The following C1QTNF3 variants were observed in gnomAD, a reference collection of about 807,000 sequenced individuals.
C1QTNF3 encodes the protein C1q and TNF related 3.
Under a neutral mutation model 32.6 loss-of-function variants are expected in C1QTNF3, and 26 were observed. The observed-to-expected ratio is 0.80, with a 90% CI of 0.58 to 1.11. The LOEUF (loss-of-function observed/expected upper bound fraction) is 1.11, where lower values mean the gene tolerates loss of function less well. Ranked by LOEUF, C1QTNF3 falls within the 50% of genes least tolerant of loss-of-function variation. C1QTNF3 has a pLI of 0.00. For missense variants in C1QTNF3, 362 were observed against 398.2 expected (o/e 0.91, Z 0.77); for synonymous variants, 155 against 146.0 (o/e 1.06, Z -0.44).
At chr5:34,163,528 T>C in the C1QTNF3 span, among the ~76,000 whole-genome samples, 6 of 152,150 alleles carry the variant, frequency 3.9e-5, no homozygotes, top group East Asian at 1.9e-4. Flanking sequence ...CAATTTCATA[T>C]ATGTCCATGA....
the C1QTNF3 span, among the ~76,000 whole-genome samples, chr5:34,171,883 A>C: frequency 1.3e-5 from 2 of 152,198 alleles, no homozygotes; most frequent in Non-Finnish European, 1.5e-5. Context: ...TTTTCCTTTC[A>C]AACTACCCAT....
the C1QTNF3 span, among the ~76,000 whole-genome samples, chr5:34,061,412 C>T: frequency 2.6e-5 from 4 of 152,194 alleles, no homozygotes; most frequent in Non-Finnish European, 4.4e-5. Flanking sequence ...CTAAGCAGTG[C>T]CCCAGTAGGG....
chr5:34,195,284 A>G, the C1QTNF3 span, among the ~76,000 whole-genome samples: 1 of 150,404 alleles, frequency 6.6e-6, no homozygotes, highest in East Asian at 2.0e-4. Context: ...AAAATTTTTA[A>G]AGCTGTAATC....
chr5:34,035,794 G>A (rs774052393), intron 1 of C1QTNF3, 36 bp from the exon 2 acceptor site: 2 of 1,506,882 alleles, frequency 1.3e-6, no homozygotes, highest in African/African-American at 2.8e-5. Flanking sequence ...AGAAAAAAAG[G>A]TACTTGTGAG....
the C1QTNF3 span, among the ~76,000 whole-genome samples, chr5:34,057,123 C>A: frequency 1.1e-4 from 16 of 152,178 alleles, no homozygotes; most frequent in Non-Finnish European, 2.4e-4. Context: ...TCCTCTGAAA[C>A]GAGATTAAAC....
At chr5:34,142,486 A>C in the C1QTNF3 span, among the ~76,000 whole-genome samples, 1 of 151,664 alleles carries the variant, frequency 6.6e-6, no homozygotes, top group Non-Finnish European at 1.5e-5. Context: ...CAATGATGAG[A>C]GGAGCTCCCC....
At chr5:34,189,757 C>A in the C1QTNF3 span, among the ~76,000 whole-genome samples, 1 of 152,360 alleles carries the variant, frequency 6.6e-6, no homozygotes, top group African/African-American at 2.4e-5. Context: ...GGCTCAGTTG[C>A]CTGGAGCCCC....
At chr5:34,081,853 T>C in the C1QTNF3 span, among the ~76,000 whole-genome samples, 1 of 151,730 alleles carries the variant, frequency 6.6e-6, no homozygotes, top group African/African-American at 2.4e-5. Flanking sequence ...CACCTAAGTA[T>C]TGAAACATAT....
chr5:34,163,335 A>G, the C1QTNF3 span, among the ~76,000 whole-genome samples: 1 of 152,138 alleles, frequency 6.6e-6, no homozygotes, highest in African/African-American at 2.4e-5. Context: ...AACCTAAAAT[A>G]TAAACTTTTT....
chr5:34,083,812 TTA>T, the C1QTNF3 span, among the ~76,000 whole-genome samples: 9 of 152,002 alleles, frequency 5.9e-5, no homozygotes, highest in South Asian at 2.1e-4. Context: ...TAATACATGT[TTA>T]TATATGTGTA....
the C1QTNF3 span, among the ~76,000 whole-genome samples, chr5:34,070,410 T>C: frequency 6.6e-6 from 1 of 152,224 alleles, no homozygotes; most frequent in Non-Finnish European, 1.5e-5. Flanking sequence ...GAGTAAATTC[T>C]CTTAACATAA....
rs1280152662 is a variant in C1QTNF3, at chr5:34,023,969, T to C, written c.740A>G (p.Asp247Gly). ...AAGGTACACATACACTTCCTCAACA[T>C]CCTCATGCTTCATCATGCTGAAGGT... ...FFTFSMMKHEDVEEVYVYLMH... is the reference protein window; with the variant it reads ...FFTFSMMKHEGVEEVYVYLMH... The change falls in exon 5 of 6, where the codon GAT (aspartate) becomes GGT (glycine). Residue 247 changes from aspartate to glycine, a missense_variant. By Grantham distance (94) the Asp-to-Gly change is moderately conservative. Coordinates refer to ENST00000382065, the MANE Select transcript of C1QTNF3 (RefSeq NM_181435.6). 1 of 1,614,032 alleles carries C rather than the reference T, an allele frequency of 6.2e-7. No homozygotes were observed. Among genetic ancestry groups the C allele is most frequent in the Admixed American group, 1.7e-5 (1 of 60,006 alleles).
Position 34,020,625 on chromosome 5 carries a change from G to A in C1QTNF3, c.918C>T (p.Arg306=). The change falls in exon 6 of 6, where the codon CGC becomes CGT. Residue 306 remains arginine (R), a synonymous_variant. Transcript: ENST00000382065. The part of the protein sequence containing the change: ...GNGALHGDHQ[R]FSTFAGFLLF... ...GCAGGAATCCTGCAAAGGTGGAGAA[G>A]CGTTGGTGGTCCCCATGGAGAGCGC... The A allele has an allele frequency of 1.2e-6, 2 of 1,614,228 alleles. No individual in the cohort carries two copies. Among genetic ancestry groups the A allele is most frequent in the Non-Finnish European group, 1.7e-6 (2 of 1,180,032 alleles).
chr5:34,237,872 G>C, the C1QTNF3 span, among the ~76,000 whole-genome samples: 3 of 152,040 alleles, frequency 2.0e-5, no homozygotes, highest in African/African-American at 7.2e-5. Context: ...AGCAGATCTG[G>C]TGATGGAGGC....
At chr5:34,100,593 ACT>A in the C1QTNF3 span, among the ~76,000 whole-genome samples, 1 of 150,594 alleles carries the variant, frequency 6.6e-6, no homozygotes, top group South Asian at 2.1e-4. Context: ...ATATTTACAT[ACT>A]GTTTTATGTT....
chr5:34,154,625 C>G, the C1QTNF3 span, among the ~76,000 whole-genome samples: 226 of 152,276 alleles, frequency 1.5e-3, 3 homozygotes, highest in Middle Eastern at 3.4e-3. Flanking sequence ...TTTGAAATGA[C>G]TTTGTGGGCA....
the C1QTNF3 span, among the ~76,000 whole-genome samples, chr5:34,061,499 C>T: frequency 6.6e-6 from 1 of 152,198 alleles, no homozygotes; most frequent in Non-Finnish European, 1.5e-5. Flanking sequence ...GGCCCCACTC[C>T]TGCAGCAAAC....
rs770476410 is a variant in C1QTNF3, at chr5:34,028,728, A to G, written c.700+26T>C. 3.8e-6 allele frequency: 6 copies of G among 1,584,694 alleles called. No homozygotes were observed. In the African/African-American group the frequency reaches 4.1e-5, roughly 11 times the overall value. On this transcript the variant is annotated intron_variant, in intron 4 of 5. Transcript: ENST00000382065. Reference sequence around the variant, plus strand: ...CTTTATTATTACATTGATTAACTCAATCTTCATCCTATGTTTCCATCTCAC... The same window carrying G: ...CTTTATTATTACATTGATTAACTCAGTCTTCATCCTATGTTTCCATCTCAC...
the C1QTNF3 span, among the ~76,000 whole-genome samples, chr5:34,171,813 C>A: frequency 6.6e-6 from 1 of 152,148 alleles, no homozygotes; most frequent in Non-Finnish European, 1.5e-5. Flanking sequence ...CTAATAGTTA[C>A]ATGATTGATA....
Sources: allele counts gnomAD v4.1 joint callset (sites outside exome capture counted in the v4.1 genomes callset), GRCh38; gene constraint gnomAD v4.1.1; transcripts MANE v1.5; gene names NCBI Gene and HGNC (gene_info 2026-07-23, HGNC 2026-07-21).